The following TTBK2 variants were observed in gnomAD, a reference collection of about 807,000 sequenced individuals.
TTBK2 encodes tau-tubulin kinase 2.
A neutral mutation model predicts 110.8 loss-of-function variants in TTBK2; 28 were observed. The observed-to-expected ratio is 0.25, with a 90% CI of 0.19 to 0.35. TTBK2 has a LOEUF of 0.35. Among genes scored for constraint, TTBK2 ranks in the 10% least tolerant of loss-of-function variants. The pLI is 1.00. For synonymous variants in TTBK2, 532 were observed against 527.3 expected (o/e 1.01, Z -0.12); for missense variants, 1,369 against 1,500.3 (o/e 0.91, Z 1.45).
intron 9 of TTBK2, chr15:42,800,872 G>T: frequency 1.6e-6 from 1 of 612,440 alleles, no homozygotes; most frequent in Non-Finnish European, 2.9e-6. Flanking sequence ...GCTGAGCCTC[G>T]GGTGGGTCTC....
chr15:42,859,060 T>C (rs931392333), intron 3 of TTBK2, among the ~76,000 whole-genome samples: 1 of 152,158 alleles, frequency 6.6e-6, no homozygotes, highest in Non-Finnish European at 1.5e-5. Context: ...ACACCTAACC[T>C]GCTGGAGTTT....
At chr15:42,798,453 A>C (rs1327555679) in intron 9 of TTBK2, among the ~76,000 whole-genome samples, 1 of 152,218 alleles carries the variant, frequency 6.6e-6, no homozygotes, top group African/African-American at 2.4e-5. Flanking sequence ...TTAGAGTCTA[A>C]GTTTCTCAAA....
At position 42,794,630 on chromosome 15, in the gene TTBK2, T is replaced by G. The variant is rs1440340457; in HGVS notation, c.980+14A>C. On this transcript the variant is annotated intron_variant, in intron 10 of 14. Coordinates refer to ENST00000267890, the MANE Select transcript of TTBK2 (RefSeq NM_173500.4). ...CCAGGAAAGACACCACCAAATGATC[T>G]GTTTAGGACATACCCAATTGCAGCA... 6.2e-7 allele frequency: 1 copy of G among 1,614,042 alleles called. No homozygotes were observed. The highest frequency in any genetic ancestry group is 8.5e-7 in the Non-Finnish European group (1 of 1,179,964).
chr15:42,799,730 C>A (rs1277748604), intron 9 of TTBK2, among the ~76,000 whole-genome samples: 8 of 152,082 alleles, frequency 5.3e-5, no homozygotes, highest in Admixed American at 5.2e-4. Flanking sequence ...GCCACCGCAC[C>A]CGGCCCTGCA....
intron 7 of TTBK2, among the ~76,000 whole-genome samples, chr15:42,813,396 C>A (rs957542164): frequency 5.3e-5 from 8 of 151,882 alleles, no homozygotes; most frequent in Non-Finnish European, 1.0e-4. Flanking sequence ...GTGGTGAATG[C>A]CTGTGGTCCC....
At chr15:42,810,420 A>G (rs1891657606) in intron 9 of TTBK2, among the ~76,000 whole-genome samples, 194 bp downstream of exon 9, 1 of 152,204 alleles carries the variant, frequency 6.6e-6, no homozygotes, top group Non-Finnish European at 1.5e-5. Context: ...GTCCATCCAG[A>G]GGGATGAAAC....
At chr15:42,816,929 C>CATATATACAT (rs1892056601) in intron 7 of TTBK2, 103 bp downstream of exon 7, 3 of 435,524 alleles carry the variant, frequency 6.9e-6, no homozygotes, top group Non-Finnish European at 9.5e-6. Context: ...AACAAATATA[C>CATATATACAT]ATATATATAT....
At chr15:42,823,738 A>G (rs72713784) in intron 6 of TTBK2, among the ~76,000 whole-genome samples, 18,536 of 145,220 alleles carry the variant, frequency 0.13, 1,263 homozygotes, top group South Asian at 0.23. Context: ...TTTTTGTGTG[A>G]TTTTTTTTTT....
intron 2 of TTBK2, among the ~76,000 whole-genome samples, chr15:42,877,124 G>C (rs1015067076): frequency 6.6e-6 from 1 of 152,030 alleles, no homozygotes; most frequent in African/African-American, 2.4e-5. Context: ...TAAAAAACTT[G>C]TCCTTATAGA....
At position 42,815,958 on chromosome 15, in the gene TTBK2, A is replaced by AAAAAATAT. The variant is rs71108183; in HGVS notation, c.603+1073_603+1074insATATTTTT. ...TATATATATATATATTTAAAAAAAA[A>AAAAAATAT]ATATATATATATATATATATTTGAG... On this transcript the variant is annotated intron_variant, in intron 7 of 14. Transcript: ENST00000267890. 1.4e-4 allele frequency among the ~76,000 whole-genome samples: 13 copies of AAAAAATAT among 91,692 alleles called. 1 individual carries two copies. The highest frequency in any genetic ancestry group is 5.0e-4 in the African/African-American group (8 of 16,140). 60.2% of individuals were successfully genotyped at this position (91,692 alleles called of 152,430 possible).
chr15:42,759,418 C>A (rs987108290), intron 13 of TTBK2, among the ~76,000 whole-genome samples: 1 of 152,352 alleles, frequency 6.6e-6, no homozygotes, highest in South Asian at 2.1e-4. Flanking sequence ...GCCTGCTGAG[C>A]CTGCCCCTGG....
At chr15:42,775,970 T>A (rs1220414623) in intron 12 of TTBK2, among the ~76,000 whole-genome samples, 1 of 152,190 alleles carries the variant, frequency 6.6e-6, no homozygotes, top group Admixed American at 6.5e-5. Flanking sequence ...ACCAACTTTT[T>A]ATTGAACTGA....
chr15:42,751,961 C>A lies in TTBK2; in HGVS notation c.3272+13G>T. On this transcript the variant is annotated intron_variant, in intron 14 of 14. Transcript: ENST00000267890. Reference sequence around the variant, plus strand: ...TGTTACACACTTAACACAGGGAGAGCACACAGCATTACCTGGCTTCTACTC... The same window carrying A: ...TGTTACACACTTAACACAGGGAGAGAACACAGCATTACCTGGCTTCTACTC... 2 of 1,614,024 alleles carry A rather than the reference C, an allele frequency of 1.2e-6. No homozygotes were observed. The highest frequency in any genetic ancestry group is 1.6e-4 in the Middle Eastern group (1 of 6,062).
At chr15:42,788,900 T>C (rs868421764) in intron 10 of TTBK2, among the ~76,000 whole-genome samples, 3 of 152,208 alleles carry the variant, frequency 2.0e-5, no homozygotes, top group Non-Finnish European at 4.4e-5. Context: ...TGTAGTATTT[T>C]ACTTCCTTAA....
intron 3 of TTBK2, among the ~76,000 whole-genome samples, chr15:42,848,651 C>T (rs375122319): frequency 8.6e-5 from 13 of 152,038 alleles, no homozygotes; most frequent in Non-Finnish European, 1.5e-4. Context: ...CCACCATGCT[C>T]GGCTAATTTT....
At chr15:42,763,163 T>TAC (rs1567008839) in intron 13 of TTBK2, among the ~76,000 whole-genome samples, 65 of 11,796 alleles carry the variant, frequency 5.5e-3, no homozygotes, top group African/African-American at 0.019. Flanking sequence ...TATACATATA[T>TAC]ATATATATAT....
intron 10 of TTBK2, among the ~76,000 whole-genome samples, chr15:42,784,976 G>C (rs1890344757): frequency 6.6e-6 from 1 of 152,128 alleles, no homozygotes; most frequent in South Asian, 2.1e-4. Flanking sequence ...CCTCTTGATT[G>C]ATTTAGTTGA....
chr15:42,755,303 T>A (rs929679716), intron 13 of TTBK2, among the ~76,000 whole-genome samples: 1 of 152,200 alleles, frequency 6.6e-6, no homozygotes, highest in Non-Finnish European at 1.5e-5. Context: ...TTGGTCTGAA[T>A]ACAATGCAAA....
chr15:42,790,277 A>G (rs1380924809), intron 10 of TTBK2, among the ~76,000 whole-genome samples: 1 of 137,654 alleles, frequency 7.3e-6, no homozygotes, highest in African/African-American at 2.6e-5. Flanking sequence ...TACAAGATGT[A>G]TTCTTTGTCT....
Sources: gnomAD v4.1 joint callset for allele counts (sites outside exome capture counted in the v4.1 genomes callset) on GRCh38, gnomAD v4.1.1 for gene constraint, MANE v1.5 for transcripts, NCBI Gene and HGNC (gene_info 2026-07-23, HGNC 2026-07-21) for gene names.